Variants in ARGLU1 observed in about 807,000 individuals in gnomAD.
The protein encoded by ARGLU1 is arginine and glutamate rich 1, also known as arginine and glutamate-rich protein 1.
A neutral mutation model predicts 37.6 loss-of-function variants in ARGLU1; 9 were observed. The observed-to-expected ratio is 0.24, with a 90% CI of 0.14 to 0.42. ARGLU1 has a LOEUF of 0.42. ARGLU1 is among the 10% of genes least tolerant of loss of function. The probability of loss-of-function intolerance (pLI) is 1.00; values close to 1 mark genes in which losing one functional copy is unlikely to be tolerated. For synonymous variants in ARGLU1, 166 were observed against 138.5 expected (o/e 1.20, Z -1.39); for missense variants, 211 against 359.2 (o/e 0.59, Z 3.34).
intron 2 of ARGLU1, chr13:106,558,928 A>T (rs562582276): frequency 2.5e-3 from 2,427 of 985,418 alleles, no homozygotes; most frequent in Non-Finnish European, 2.8e-3. Flanking sequence ...AGTGAGGGAT[A>T]AAAGAAGGAA....
chr13:106,563,582 T>C (rs1880876492), intron 1 of ARGLU1, among the ~76,000 whole-genome samples: 1 of 152,110 alleles, frequency 6.6e-6, no homozygotes, highest in Non-Finnish European at 1.5e-5. Flanking sequence ...GGTAGAAGGA[T>C]TACTTGAGGC....
Position 106,567,973 on chromosome 13 carries a change from C to A in ARGLU1, c.-54G>T. The stretch of plus-strand genomic sequence containing the variant: ...CTCAGGCCCCTCACGCGGCCAGTTC[C>A]CCTCGCCTCCGCCTTCGGACGCGGG... On this transcript the variant is annotated 5_prime_UTR_variant, in exon 1 of 4. Coordinates refer to ENST00000400198, the MANE Select transcript of ARGLU1 (RefSeq NM_018011.4). This position sits in a 1 kb window ranked among gnomAD's most constrained non-coding sequence, Gnocchi z 4.3. The A allele has an allele frequency of 6.5e-7, 1 of 1,532,388 alleles. No individual in the cohort carries two copies. The highest frequency in any genetic ancestry group is 8.7e-7 in the Non-Finnish European group (1 of 1,152,586). The allele number at this position is 1,532,388 out of a possible 1,614,324, so 94.9% of individuals were successfully genotyped here.
intron 3 of ARGLU1, among the ~76,000 whole-genome samples, chr13:106,550,293 T>C (rs1880502399): frequency 6.6e-6 from 1 of 152,166 alleles, no homozygotes; most frequent in Admixed American, 6.5e-5. Context: ...TGGCTTCGTG[T>C]TTCCAATTTG....
intron 2 of ARGLU1, chr13:106,558,338 AAAAT>A (rs1355704576): frequency 1.0e-6 from 1 of 985,114 alleles, no homozygotes; most frequent in Admixed American, 6.1e-5. Context: ...AGGACAAGGG[AAAAT>A]GCATTTTAAA....
chr13:106,567,553 C>T lies in ARGLU1; in HGVS notation c.347+20G>A, dbSNP rs1400181355. On this transcript the variant is annotated intron_variant, in intron 1 of 3. Coordinates refer to ENST00000400198, the MANE Select transcript of ARGLU1 (RefSeq NM_018011.4). The surrounding 1 kb of genome is among the most constrained non-coding windows in gnomAD (Gnocchi z 4.3). ...CCCTGCTCTCCGCACGCCCCGGTCC[C>T]TCCCCGCGCGGGCACTCACATTTTT... The T allele has an allele frequency of 1.3e-6, 2 of 1,556,854 alleles. No individual in the cohort carries two copies. The highest frequency in any genetic ancestry group is 1.7e-5 in the Admixed American group (1 of 59,878).
At chr13:106,559,727 T>G (rs1339030624) in intron 1 of ARGLU1, 70 bp from the exon 2 acceptor site, 9 of 1,489,362 alleles carry the variant, frequency 6.0e-6, no homozygotes, top group Non-Finnish European at 7.2e-6. Context: ...CAAAACTAGT[T>G]TTAAGTCTAT....
At chr13:106,552,763 T>A (rs1880562262) in intron 3 of ARGLU1, among the ~76,000 whole-genome samples, 1 of 152,236 alleles carries the variant, frequency 6.6e-6, no homozygotes, top group African/African-American at 2.4e-5. Flanking sequence ...GATAGTTATG[T>A]GTCGCCAACA....
At chr13:106,556,939 A>C (rs1351977971) in intron 3 of ARGLU1, 109 bp downstream of exon 3, 2 of 893,054 alleles carry the variant, frequency 2.2e-6, no homozygotes, top group Non-Finnish European at 3.6e-6. Context: ...AGTCCTGAGA[A>C]TCCCCCCAAA....
At chr13:106,544,604 A>G (rs1880345605) in intron 3 of ARGLU1, among the ~76,000 whole-genome samples, 1 of 152,214 alleles carries the variant, frequency 6.6e-6, no homozygotes, top group South Asian at 2.1e-4. Context: ...TCATTGTACC[A>G]GATTAATAGA....
Position 106,543,825 on chromosome 13 carries a change from G to GAAAAAAAAAAAAAAAAA in ARGLU1, c.*154_*170dup, listed in dbSNP as rs11349875. On this transcript the variant is annotated 3_prime_UTR_variant, in exon 4 of 4. Coordinates refer to ENST00000400198, the MANE Select transcript of ARGLU1 (RefSeq NM_018011.4). ...TGATAAGGATTTGACTTAGTGGAAG[G>GAAAAAAAAAAAAAAAAA]AAAAAAAAAAAAAAAAAGGGAATTG... is the stretch of plus-strand genomic sequence containing the variant. 2.6e-6 allele frequency: 1 copy of GAAAAAAAAAAAAAAAAA among 382,514 alleles called. No individual in the cohort carries two copies. The highest frequency in any genetic ancestry group is 4.4e-6 in the Non-Finnish European group (1 of 228,340). 23.7% of individuals were successfully genotyped at this position (382,514 alleles called of 1,614,324 possible).
At chr13:106,551,342 C>G (rs1042560852) in intron 3 of ARGLU1, among the ~76,000 whole-genome samples, 1 of 152,210 alleles carries the variant, frequency 6.6e-6, no homozygotes, top group Non-Finnish European at 1.5e-5. Flanking sequence ...GTTTTAAGTT[C>G]TGCCTTATAT....
intron 1 of ARGLU1, among the ~76,000 whole-genome samples, chr13:106,565,721 C>T (rs1394858406): frequency 6.6e-6 from 1 of 152,130 alleles, no homozygotes; most frequent in African/African-American, 2.4e-5. Flanking sequence ...AAATAAAATG[C>T]CTATTGTACG....
intron 3 of ARGLU1, among the ~76,000 whole-genome samples, chr13:106,555,742 A>G (rs1185489661): frequency 1.3e-5 from 2 of 152,198 alleles, no homozygotes; most frequent in Non-Finnish European, 2.9e-5. Flanking sequence ...TAAGAATGCA[A>G]GGAGGCCAAG....
At chr13:106,546,259 T>C (rs550924795) in intron 3 of ARGLU1, among the ~76,000 whole-genome samples, 2 of 152,198 alleles carry the variant, frequency 1.3e-5, no homozygotes, top group Non-Finnish European at 2.9e-5. Flanking sequence ...CACTGCTCAC[T>C]CTTTCTTGTT....
chr13:106,559,237 G>C lies in ARGLU1; in HGVS notation c.573+195C>G, dbSNP rs1234665411. ...GTATCCTTGAATATGTTTTATAAAA[G>C]CTTCCAACTTTTAAGTTATCAGTCA... On this transcript the variant is annotated intron_variant, in intron 2 of 3. Coordinates refer to ENST00000400198, the MANE Select transcript of ARGLU1 (RefSeq NM_018011.4). 6 of 1,526,958 alleles carry C rather than the reference G, an allele frequency of 3.9e-6. No individual in the cohort carries two copies. In the African/African-American group the frequency reaches 8.2e-5, roughly 21 times the overall value. The allele number at this position is 1,526,958 out of a possible 1,614,324, so 94.6% of individuals were successfully genotyped here.
rs1358206053 is a variant in ARGLU1, at chr13:106,542,046, GA to G, written c.*1949del. Reference sequence around the variant, plus strand: ...CAGGAACAATTTCAACATCTCACTGGAGTCTCCAAAAGCAAGCAGATACTGC... The same window carrying G: ...CAGGAACAATTTCAACATCTCACTGGGTCTCCAAAAGCAAGCAGATACTGC... On this transcript the variant is annotated 3_prime_UTR_variant, in exon 4 of 4. Transcript: ENST00000400198. 6.6e-6 allele frequency: 1 copy of G among 150,888 alleles called. No homozygotes were observed. Among genetic ancestry groups the G allele is most frequent in the Non-Finnish European group, 1.5e-5 (1 of 67,354 alleles). 9.3% of individuals were successfully genotyped at this position (150,888 alleles called of 1,614,324 possible). A position where few individuals can be genotyped will look rare whatever the true frequency, so the allele number is the denominator to read the frequency against.
rs551110817 is a variant in ARGLU1 at position 106,564,697 on chromosome 13, T to G, written c.347+2876A>C. ...ACTCTCCCTGGGTCATTCCATATAC[T>G]CTCAAGGTTTCACGACATTCAGCGA... On this transcript the variant is annotated intron_variant, in intron 1 of 3. Coordinates refer to ENST00000400198, the MANE Select transcript of ARGLU1 (RefSeq NM_018011.4). Among the ~76,000 whole-genome samples the G allele has an allele frequency of 2.0e-5, 3 of 152,264 alleles. No homozygotes were observed. The South Asian group carries it at 6.2e-4, about 32-fold the overall frequency.
At chr13:106,556,980 T>G (rs1880675911) in intron 3 of ARGLU1, 68 bp downstream of exon 3, 1 of 1,388,622 alleles carries the variant, frequency 7.2e-7, no homozygotes, top group Non-Finnish European at 1.0e-6. Context: ...CAAAAATCAA[T>G]CCACAAAATC....
Position 106,567,454 on chromosome 13 carries a change from C to A in ARGLU1, c.347+119G>T. ...TCTCCGACCCGTTCCCGCGCCCGGT[C>A]CCCAGCCCCGGACCGTCCCCGCCAT... On this transcript the variant is annotated intron_variant, in intron 1 of 3. Transcript: ENST00000400198. This position sits in a 1 kb window ranked among gnomAD's most constrained non-coding sequence, Gnocchi z 4.3. The A allele has an allele frequency of 7.3e-6, 5 of 685,780 alleles. No individual in the cohort carries two copies. Among genetic ancestry groups the A allele is most frequent in the Non-Finnish European group, 1.1e-5 (5 of 441,620 alleles). 42.5% of individuals were successfully genotyped at this position (685,780 alleles called of 1,614,324 possible). A position where few individuals can be genotyped will look rare whatever the true frequency, so the allele number is the denominator to read the frequency against.
Sources: gnomAD v4.1 joint callset for allele counts (sites outside exome capture counted in the v4.1 genomes callset) on GRCh38, gnomAD v4.1.1 for gene constraint, Gnocchi (gnomAD v3.1) non-coding constraint, MANE v1.5 for transcripts, NCBI Gene and HGNC (gene_info 2026-07-23, HGNC 2026-07-21) for gene names.